Variants in JMJD1C observed in about 807,000 individuals in gnomAD.
JMJD1C encodes the protein jumonji domain-containing protein 1C.
JMJD1C carries 31 observed loss-of-function variants against 245.3 expected under a neutral mutation model. That is an observed-to-expected ratio of 0.13 (90% confidence interval 0.09 to 0.17). The LOEUF (loss-of-function observed/expected upper bound fraction) is 0.17. Ranked by LOEUF, JMJD1C falls within the 10% of genes least tolerant of loss-of-function variation. The probability of loss-of-function intolerance (pLI) is 1.00; values close to 1 mark genes in which losing one functional copy is unlikely to be tolerated. For synonymous variants in JMJD1C, 1,057 were observed against 1,017.4 expected (o/e 1.04, Z -0.74); for missense variants, 2,691 against 3,000.2 (o/e 0.90, Z 2.41).
intron 1 of JMJD1C, among the ~76,000 whole-genome samples, chr10:63,414,014 T>A (rs1043661723): frequency 6.9e-6 from 1 of 144,390 alleles, no homozygotes; most frequent in Non-Finnish European, 1.5e-5. Flanking sequence ...TGACACGGAG[T>A]CTTGCACTGT....
At chr10:63,246,550 G>C (rs1852227271) in intron 3 of JMJD1C, among the ~76,000 whole-genome samples, 1 of 151,634 alleles carries the variant, frequency 6.6e-6, no homozygotes, top group African/African-American at 2.4e-5. Flanking sequence ...AAACCTGAGA[G>C]AATTTATCAC....
chr10:63,287,630 A>C (rs1858148182), intron 2 of JMJD1C, among the ~76,000 whole-genome samples: 1 of 152,248 alleles, frequency 6.6e-6, no homozygotes, highest in Admixed American at 6.5e-5. Flanking sequence ...ATCTTATTCT[A>C]GAGCAGAGGA....
chr10:63,314,385 C>T (rs901113712), intron 2 of JMJD1C, among the ~76,000 whole-genome samples: 2 of 152,160 alleles, frequency 1.3e-5, no homozygotes, highest in South Asian at 2.1e-4. Flanking sequence ...AATGAAGAAA[C>T]TCCATCTCCA....
chr10:63,265,945 A>C (rs923226765), intron 2 of JMJD1C, among the ~76,000 whole-genome samples: 26 of 152,134 alleles, frequency 1.7e-4, no homozygotes, highest in African/African-American at 6.3e-4. Context: ...ACTCCAGGGA[A>C]AAACTTCAAG....
rs189064110 is a variant in JMJD1C, at chr10:63,276,838, A to G, written c.334-12074T>C. On this transcript the variant is annotated intron_variant, in intron 2 of 25. Transcript: ENST00000399262. The stretch of plus-strand genomic sequence containing the variant: ...AGACTCACTGAAGAGTGAGATATTG[A>G]AGCTTATACAGCATCTGAAGCTATG... Among the ~76,000 whole-genome samples, 358 of 151,294 alleles carry G rather than the reference A, an allele frequency of 2.4e-3. 3 individuals carry two copies. In the South Asian group the frequency reaches 0.029, roughly 12 times the overall value.
upstream of JMJD1C, among the ~76,000 whole-genome samples, chr10:63,470,009 A>G (rs1314931481): frequency 6.6e-6 from 1 of 152,194 alleles, no homozygotes; most frequent in Non-Finnish European, 1.5e-5. Flanking sequence ...ATTAACTCAA[A>G]TATCAAAATA....
chr10:63,358,901 G>C (rs190685468), intron 2 of JMJD1C: 9 of 155,322 alleles, frequency 5.8e-5, no homozygotes, highest in Non-Finnish European at 1.2e-4. Flanking sequence ...GTATCTTGTG[G>C]ACCCTCCGAA....
chr10:63,351,080 C>CTTTT (rs998025835), intron 2 of JMJD1C, among the ~76,000 whole-genome samples: 1 of 131,094 alleles, frequency 7.6e-6, no homozygotes, highest in Non-Finnish European at 1.7e-5. Flanking sequence ...AGAAATTTTT[C>CTTTT]TTTTTTTTTT....
At chr10:63,341,276 T>C (rs559800877) in intron 2 of JMJD1C, among the ~76,000 whole-genome samples, 3 of 152,328 alleles carry the variant, frequency 2.0e-5, no homozygotes, top group East Asian at 1.9e-4. Context: ...CAGAAATTCA[T>C]TGACAAATTT....
intron 2 of JMJD1C, among the ~76,000 whole-genome samples, chr10:63,364,018 G>A (rs1240981344): frequency 6.6e-6 from 1 of 151,532 alleles, no homozygotes; most frequent in Non-Finnish European, 1.5e-5. Context: ...ACCATTCTTG[G>A]CTAATTTTTG....
chr10:63,310,378 A>G (rs964334655), intron 2 of JMJD1C, among the ~76,000 whole-genome samples: 1 of 152,240 alleles, frequency 6.6e-6, no homozygotes, highest in African/African-American at 2.4e-5. Flanking sequence ...AGATAGCAAG[A>G]CTTATAAAGT....
intron 2 of JMJD1C, among the ~76,000 whole-genome samples, chr10:63,375,183 C>CTTTTT (rs67008681): frequency 0.13 from 11,950 of 92,714 alleles, 1,645 homozygotes; most frequent in South Asian, 0.25. Flanking sequence ...TAAAAATTGG[C>CTTTTT]TTTTTTTTTT....
intron 1 of JMJD1C, among the ~76,000 whole-genome samples, chr10:63,402,095 T>C (rs543150289): frequency 4.8e-4 from 72 of 149,940 alleles, no homozygotes; most frequent in African/African-American, 1.6e-3. Flanking sequence ...GATAGCGCCA[T>C]TGCACTCCAG....
intron 1 of JMJD1C, among the ~76,000 whole-genome samples, chr10:63,418,722 TG>T (rs35999426): frequency 0.14 from 21,373 of 151,638 alleles, 2,210 homozygotes; most frequent in East Asian, 0.35. Context: ...AAATATCATG[TG>T]GGGGGGGTTT....
intron 8 of JMJD1C, among the ~76,000 whole-genome samples, chr10:63,210,662 T>C (rs1847207722): frequency 6.6e-6 from 1 of 152,180 alleles, no homozygotes. Flanking sequence ...AGCTTATCTT[T>C]GTGCAGCTGC....
At chr10:63,401,415 T>G (rs1293230107) in intron 1 of JMJD1C, among the ~76,000 whole-genome samples, 1 of 152,134 alleles carries the variant, frequency 6.6e-6, no homozygotes, top group Non-Finnish European at 1.5e-5. Context: ...ATACTGTACT[T>G]TTTGTTTTTG....
intron 1 of JMJD1C, among the ~76,000 whole-genome samples, chr10:63,476,424 C>A (rs962977582): frequency 1.3e-5 from 2 of 152,020 alleles, no homozygotes; most frequent in African/African-American, 4.8e-5. Context: ...AAAATGATGA[C>A]TGGCATTCAA....
At chr10:63,386,417 C>G (rs773942088) in intron 1 of JMJD1C, among the ~76,000 whole-genome samples, 1 of 152,214 alleles carries the variant, frequency 6.6e-6, no homozygotes. Flanking sequence ...CACTGGTAGT[C>G]TGGGGATCAT....
chr10:63,446,034 CCTAG>C (rs1206417759), intron 1 of JMJD1C, among the ~76,000 whole-genome samples: 1 of 151,748 alleles, frequency 6.6e-6, no homozygotes, highest in Non-Finnish European at 1.5e-5. Context: ...TGCCACCACG[CCTAG>C]CTAATTTTTT....
Sources: allele counts gnomAD v4.1 joint callset (sites outside exome capture counted in the v4.1 genomes callset), GRCh38; gene constraint gnomAD v4.1.1; transcripts MANE v1.5; gene names NCBI Gene and HGNC (gene_info 2026-07-23, HGNC 2026-07-21).